Variants in RBFOX1 observed in about 807,000 individuals in gnomAD.
The protein encoded by RBFOX1 is RNA binding protein fox-1 homolog 1.
Under a neutral mutation model 57.7 loss-of-function variants are expected in RBFOX1, and 8 were observed. That is an observed-to-expected ratio of 0.14 (90% CI 0.08 to 0.25). RBFOX1 has a LOEUF of 0.25. Among genes scored for constraint, RBFOX1 ranks in the 10% least tolerant of loss-of-function variants. The pLI is 1.00. For synonymous variants in RBFOX1, 326 were observed against 222.4 expected (o/e 1.47, Z -4.15); for missense variants, 611 against 548.5 (o/e 1.11, Z -1.14).
At chr16:5,772,094 C>T (rs1010738004) in intron 3 of RBFOX1, among the ~76,000 whole-genome samples, 2 of 152,126 alleles carry the variant, frequency 1.3e-5, no homozygotes, top group Non-Finnish European at 2.9e-5. Context: ...ATCACTTGAA[C>T]CTGGGAGGCG....
At chr16:6,736,735 A>G (rs1314650061) in intron 3 of RBFOX1, among the ~76,000 whole-genome samples, 1 of 152,328 alleles carries the variant, frequency 6.6e-6, no homozygotes, top group Non-Finnish European at 1.5e-5. Context: ...GAATCTCCAC[A>G]CTGGGAAAAC....
intron 3 of RBFOX1, among the ~76,000 whole-genome samples, chr16:6,935,581 A>G (rs1010050584): frequency 3.9e-5 from 6 of 152,194 alleles, no homozygotes; most frequent in African/African-American, 7.2e-5. Flanking sequence ...TGAATATTCA[A>G]AAATCTGTGA....
At chr16:6,818,582 G>A (rs1457736370) in intron 3 of RBFOX1, among the ~76,000 whole-genome samples, 1 of 152,136 alleles carries the variant, frequency 6.6e-6, no homozygotes, top group Non-Finnish European at 1.5e-5. Context: ...AGTTGCTATG[G>A]CACTCTCATT....
intron 4 of RBFOX1, among the ~76,000 whole-genome samples, chr16:7,439,704 G>C (rs1391856331): frequency 2.6e-5 from 4 of 152,178 alleles, no homozygotes; most frequent in Admixed American, 2.6e-4. Flanking sequence ...TGTCTCATTT[G>C]TGACTGTATC....
chr16:7,380,184 G>T (rs1008377016), intron 4 of RBFOX1, among the ~76,000 whole-genome samples: 1 of 152,090 alleles, frequency 6.6e-6, no homozygotes, highest in Non-Finnish European at 1.5e-5. Context: ...ATACCTTTTG[G>T]TATGTCTGAA....
At chr16:5,669,422 CTT>C (rs34318850) in intron 3 of RBFOX1, among the ~76,000 whole-genome samples, 36 of 118,492 alleles carry the variant, frequency 3.0e-4, no homozygotes, top group Middle Eastern at 5.1e-3. Context: ...AACAAGTTGG[CTT>C]TTTTTTTTTT....
chr16:6,249,906 C>T (rs1402132163), intron 1 of RBFOX1, among the ~76,000 whole-genome samples: 2 of 151,806 alleles, frequency 1.3e-5, no homozygotes, highest in Admixed American at 1.3e-4. Context: ...GGTATATCTC[C>T]AACTGCTGTC....
chr16:7,038,974 T>G (rs1441291160), intron 3 of RBFOX1, among the ~76,000 whole-genome samples: 1 of 152,196 alleles, frequency 6.6e-6, no homozygotes, highest in Non-Finnish European at 1.5e-5. Context: ...ATCTCTCCAG[T>G]GACTTATAGC....
intron 4 of RBFOX1, among the ~76,000 whole-genome samples, chr16:7,261,380 C>T (rs1198924238): frequency 6.6e-6 from 1 of 152,206 alleles, no homozygotes; most frequent in Non-Finnish European, 1.5e-5. Flanking sequence ...ATCAAGGCAG[C>T]AGAATGTGTC....
At chr16:5,446,019 T>C (rs562207631) in intron 1 of RBFOX1, among the ~76,000 whole-genome samples, 3 of 152,342 alleles carry the variant, frequency 2.0e-5, no homozygotes, top group South Asian at 4.1e-4. Flanking sequence ...TGATTTTTTG[T>C]TGATGGATGT....
chr16:7,301,755 T>A (rs571058330), intron 4 of RBFOX1, among the ~76,000 whole-genome samples: 7 of 151,620 alleles, frequency 4.6e-5, no homozygotes, highest in African/African-American at 1.7e-4. Context: ...GAAAAAAAAA[T>A]AAAGGAAAGC....
chr16:7,245,957 T>C (rs1057383395), intron 4 of RBFOX1, among the ~76,000 whole-genome samples: 1 of 152,114 alleles, frequency 6.6e-6, no homozygotes, highest in Admixed American at 6.5e-5. Context: ...AATTAGCCCA[T>C]CCCTGAAAAA....
At chr16:7,532,568 T>C (rs1225718137) in intron 5 of RBFOX1, among the ~76,000 whole-genome samples, 1 of 152,198 alleles carries the variant, frequency 6.6e-6, no homozygotes, top group African/African-American at 2.4e-5. Context: ...AGTCTAGCTG[T>C]GGATGGGGCC....
chr16:6,607,079 G>C (rs892218671), intron 2 of RBFOX1, among the ~76,000 whole-genome samples: 18 of 152,090 alleles, frequency 1.2e-4, no homozygotes, highest in African/African-American at 4.3e-4. Context: ...ATATACCTGA[G>C]GCTGCTGCCT....
chr16:7,216,081 C>T (rs751334611), intron 4 of RBFOX1, among the ~76,000 whole-genome samples: 4 of 152,110 alleles, frequency 2.6e-5, no homozygotes, highest in Non-Finnish European at 5.9e-5. Flanking sequence ...TGCCTTCTTT[C>T]ACTTAGCATA....
intron 4 of RBFOX1, among the ~76,000 whole-genome samples, chr16:7,379,769 C>T (rs916101025): frequency 1.3e-5 from 2 of 151,170 alleles, no homozygotes; most frequent in African/African-American, 4.9e-5. Context: ...TGCCTGCCTT[C>T]CTGCCTTCCG....
intron 1 of RBFOX1, among the ~76,000 whole-genome samples, chr16:5,332,182 A>G (rs2064774089): frequency 6.6e-6 from 1 of 152,074 alleles, no homozygotes. Context: ...GGTTTTATTT[A>G]TTGTTTCTTT....
chr16:7,591,446 C>A (rs761914621), intron 7 of RBFOX1, among the ~76,000 whole-genome samples: 14 of 152,022 alleles, frequency 9.2e-5, no homozygotes, highest in Non-Finnish European at 1.9e-4. Context: ...AGGAAGATAT[C>A]ACCTAAAAAT....
intron 2 of RBFOX1, among the ~76,000 whole-genome samples, chr16:6,336,954 C>T (rs190686496): frequency 1.1e-4 from 16 of 152,232 alleles, no homozygotes; most frequent in African/African-American, 2.9e-4. Flanking sequence ...AATCACTGTT[C>T]GAGTTTTTCT....
Sources: gnomAD v4.1 joint callset for allele counts (sites outside exome capture counted in the v4.1 genomes callset) on GRCh38, gnomAD v4.1.1 for gene constraint, MANE v1.5 for transcripts, NCBI Gene and HGNC (gene_info 2026-07-23, HGNC 2026-07-21) for gene names.